FGF14: variants seen among roughly 807,000 people sequenced by gnomAD.
The protein encoded by FGF14 is fibroblast growth factor 14.
A neutral mutation model predicts 25.5 loss-of-function variants in FGF14; 5 were observed. The observed-to-expected ratio is 0.20, with a 90% CI of 0.10 to 0.41. FGF14 has a LOEUF of 0.41. Among genes scored for constraint, FGF14 ranks in the 10% least tolerant of loss-of-function variants. FGF14 has a pLI of 1.00. For synonymous variants in FGF14, 138 were observed against 118.3 expected (o/e 1.17, Z -1.08); for missense variants, 222 against 320.1 (o/e 0.69, Z 2.34).
chr13:102,313,165 A>G (rs774059262), intron 1 of FGF14, among the ~76,000 whole-genome samples: 4 of 152,224 alleles, frequency 2.6e-5, no homozygotes, highest in Non-Finnish European at 5.9e-5. Context: ...CAGCTATCCA[A>G]CAATCAATTC....
intron 3 of FGF14, among the ~76,000 whole-genome samples, chr13:101,778,439 C>T (rs993403521): frequency 6.6e-6 from 1 of 152,184 alleles, no homozygotes; most frequent in Non-Finnish European, 1.5e-5. Context: ...CGCCTTGCCT[C>T]AGTCTGCAGC....
chr13:102,090,908 T>C (rs1329545996), intron 1 of FGF14, among the ~76,000 whole-genome samples: 3 of 152,246 alleles, frequency 2.0e-5, no homozygotes, highest in Non-Finnish European at 4.4e-5. Flanking sequence ...TAAGTATATA[T>C]TATACTGTCT....
chr13:102,223,998 G>C (rs554238903), intron 1 of FGF14, among the ~76,000 whole-genome samples: 1 of 152,098 alleles, frequency 6.6e-6, no homozygotes, highest in African/African-American at 2.4e-5. Flanking sequence ...TGAGAGATAC[G>C]TCTCTACAGC....
Position 102,081,547 on chromosome 13 carries a change from A to C in FGF14, c.209-206251T>G, listed in dbSNP as rs574628755. On this transcript the variant is annotated intron_variant, in intron 1 of 4. Transcript: ENST00000376131. ...AATGATATTCTCTATCATTTCCTGAATCTTTCACTTAATGAAAAGATTTTC... is the reference window on the plus strand; with the variant it reads ...AATGATATTCTCTATCATTTCCTGACTCTTTCACTTAATGAAAAGATTTTC... Among the ~76,000 whole-genome samples the C allele has an allele frequency of 3.9e-5, 6 of 152,232 alleles. No individual in the cohort carries two copies. In the South Asian group the frequency reaches 1.2e-3, roughly 32 times the overall value.
intron 1 of FGF14, among the ~76,000 whole-genome samples, chr13:101,983,877 G>T (rs2038410263): frequency 1.3e-5 from 2 of 152,108 alleles, no homozygotes; most frequent in South Asian, 4.1e-4. Context: ...TTACTAGCTG[G>T]GCTCCCCCTA....
chr13:102,246,993 G>C (rs1244354024), intron 1 of FGF14, among the ~76,000 whole-genome samples: 2 of 152,098 alleles, frequency 1.3e-5, no homozygotes, highest in African/African-American at 4.8e-5. Flanking sequence ...ATGGGGAAAT[G>C]ACTCTCTATT....
At chr13:102,055,337 T>G (rs1362820831) in intron 1 of FGF14, among the ~76,000 whole-genome samples, 1 of 152,256 alleles carries the variant, frequency 6.6e-6, no homozygotes, top group South Asian at 2.1e-4. Flanking sequence ...AAATTTCATC[T>G]GCTCTGTGAA....
At chr13:101,781,254 T>C (rs1023915105) in intron 3 of FGF14, among the ~76,000 whole-genome samples, 2 of 152,208 alleles carry the variant, frequency 1.3e-5, no homozygotes, top group Non-Finnish European at 2.9e-5. Flanking sequence ...TCTATTTTAC[T>C]TCAAAGAGTT....
intron 1 of FGF14, among the ~76,000 whole-genome samples, chr13:102,188,953 AAAG>A (rs2048983523): frequency 2.1e-5 from 1 of 47,848 alleles, no homozygotes; most frequent in African/African-American, 7.9e-5. Context: ...GGAGAGAAAG[AAAG>A]AAAGAAAGAA....
At chr13:101,920,512 T>C (rs1177366697), upstream of FGF14, among the ~76,000 whole-genome samples, 1 of 152,190 alleles carries the variant, frequency 6.6e-6, no homozygotes, top group Admixed American at 6.5e-5. Context: ...AGTAAATAAA[T>C]GTAAAGATCC....
intron 3 of FGF14, among the ~76,000 whole-genome samples, chr13:101,826,810 A>G (rs1003969724): frequency 2.0e-5 from 3 of 152,064 alleles, no homozygotes; most frequent in Admixed American, 6.6e-5. Flanking sequence ...TACAATATGT[A>G]TAATTCTAAT....
At chr13:102,352,488 G>A (rs1277796062) in intron 1 of FGF14, among the ~76,000 whole-genome samples, 4 of 152,126 alleles carry the variant, frequency 2.6e-5, no homozygotes, top group Non-Finnish European at 5.9e-5. Context: ...TTAGCCATCA[G>A]CAATTACATA....
chr13:101,781,242 G>A (rs765273184), intron 3 of FGF14, among the ~76,000 whole-genome samples: 1 of 152,054 alleles, frequency 6.6e-6, no homozygotes. Flanking sequence ...CTCTTATTCT[G>A]CTCTATTTTA....
intron 1 of FGF14, among the ~76,000 whole-genome samples, chr13:102,058,203 C>A (rs1002490057): frequency 6.6e-6 from 1 of 152,186 alleles, no homozygotes; most frequent in Non-Finnish European, 1.5e-5. Flanking sequence ...TGGCTACTGA[C>A]ATAAGCAGAG....
At chr13:102,070,653 G>A (rs1242620281) in intron 1 of FGF14, among the ~76,000 whole-genome samples, 1 of 152,166 alleles carries the variant, frequency 6.6e-6, no homozygotes, top group Non-Finnish European at 1.5e-5. Context: ...TCAGATGAAT[G>A]AAGAAAATAT....
intron 3 of FGF14, among the ~76,000 whole-genome samples, chr13:101,842,491 G>A (rs2043240621): frequency 6.6e-6 from 1 of 152,052 alleles, no homozygotes; most frequent in African/African-American, 2.4e-5. Flanking sequence ...TTCAGACCCA[G>A]AAAAGGAAGA....
At position 101,863,325 on chromosome 13, in the gene FGF14, C is replaced by A. The variant is rs1206415603; in HGVS notation, c.408+5400G>T. 2.0e-5 allele frequency among the ~76,000 whole-genome samples: 3 copies of A among 152,122 alleles called. No individual in the cohort carries two copies. In the South Asian group the frequency reaches 6.2e-4, roughly 32 times the overall value. ...CCAGGGAGAATGAAAGGCTCTTCCC[C>A]AGGATGAGCAACCCTCAAATGCTGC... On this transcript the variant is annotated intron_variant, in intron 3 of 4. Transcript: ENST00000376143.
intron 1 of FGF14, among the ~76,000 whole-genome samples, chr13:102,009,485 CAT>C (rs953377835): frequency 6.6e-6 from 1 of 152,150 alleles, no homozygotes. Context: ...TATCTATACA[CAT>C]GTTCTAAATT....
At chr13:101,755,154 T>C in intron 3 of FGF14, among the ~76,000 whole-genome samples, 1 of 152,216 alleles carries the variant, frequency 6.6e-6, no homozygotes, top group Non-Finnish European at 1.5e-5. Flanking sequence ...TTGAGTTTAG[T>C]TCAAAAGAAT....
Sources: allele counts gnomAD v4.1 joint callset (sites outside exome capture counted in the v4.1 genomes callset), GRCh38; gene constraint gnomAD v4.1.1; transcripts MANE v1.5; gene names NCBI Gene and HGNC (gene_info 2026-07-23, HGNC 2026-07-21).